The following DCDC1 variants were observed in gnomAD, a reference collection of about 807,000 sequenced individuals.
DCDC1 encodes the protein doublecortin domain-containing protein 1.
A neutral mutation model predicts 178.3 loss-of-function variants in DCDC1; 200 were observed. The ratio of observed to expected loss-of-function variants is 1.12; its 90% CI spans 1.00 to 1.26. DCDC1 has a LOEUF of 1.26. Among genes scored for constraint, DCDC1 ranks in the 50% most tolerant of loss-of-function variants. The pLI is 0.00. For synonymous variants in DCDC1, 690 were observed against 604.8 expected, an observed-to-expected ratio of 1.14 and a Z score of -2.07; for missense variants, 1,983 against 1,749.2, an observed-to-expected ratio of 1.13 and a Z score of -2.38.
intron 11 of DCDC1, among the ~76,000 whole-genome samples, chr11:31,125,661 AAACT>A (rs1441586494): frequency 8.5e-5 from 13 of 152,156 alleles, no homozygotes. Flanking sequence ...TATCCTCAGC[AAACT>A]AACTGAGGAA....
chr11:31,198,263 G>A (rs550484490), intron 9 of DCDC1, among the ~76,000 whole-genome samples: 1 of 152,034 alleles, frequency 6.6e-6, no homozygotes, highest in South Asian at 2.1e-4. Flanking sequence ...CTCTAACATT[G>A]CCTCAATGGT....
chr11:30,971,851 G>A (rs1565139590), intron 20 of DCDC1, among the ~76,000 whole-genome samples: 2 of 151,772 alleles, frequency 1.3e-5, no homozygotes, highest in African/African-American at 2.4e-5. Context: ...CCTTGTGATC[G>A]GCCTGCCTCA....
At chr11:31,235,378 T>C (rs1041460705) in intron 9 of DCDC1, among the ~76,000 whole-genome samples, 2 of 151,754 alleles carry the variant, frequency 1.3e-5, no homozygotes, top group Non-Finnish European at 2.9e-5. Flanking sequence ...AAATGGTCCA[T>C]ATTCTGTAAA....
chr11:30,946,379 T>C (rs1160904444), intron 21 of DCDC1, among the ~76,000 whole-genome samples: 1 of 152,156 alleles, frequency 6.6e-6, no homozygotes, highest in African/African-American at 2.4e-5. Flanking sequence ...CTTGGCCCCA[T>C]GTGGGCCCTC....
At chr11:31,339,368 G>T (rs546018592) in intron 1 of DCDC1, among the ~76,000 whole-genome samples, 1 of 152,298 alleles carries the variant, frequency 6.6e-6, no homozygotes, top group East Asian at 1.9e-4. Context: ...GACACTGCTG[G>T]TGCCTTGATC....
At chr11:31,198,389 A>G (rs890649045) in intron 9 of DCDC1, among the ~76,000 whole-genome samples, 2 of 152,120 alleles carry the variant, frequency 1.3e-5, no homozygotes, top group African/African-American at 4.8e-5. Flanking sequence ...GCTAGCAAGT[A>G]TAGATTTCTA....
chr11:31,172,835 G>C (rs569041548), intron 9 of DCDC1, among the ~76,000 whole-genome samples: 106 of 152,216 alleles, frequency 7.0e-4, no homozygotes, highest in Middle Eastern at 3.4e-3. Context: ...TTTAGGAATG[G>C]AGAGACAGAA....
At chr11:31,278,447 G>A (rs1946154022) in intron 7 of DCDC1, among the ~76,000 whole-genome samples, 1 of 152,050 alleles carries the variant, frequency 6.6e-6, no homozygotes, top group African/African-American at 2.4e-5. Flanking sequence ...TCACTTATAT[G>A]TGAAAACAAA....
At chr11:31,255,520 C>T (rs1944359521) in intron 8 of DCDC1, among the ~76,000 whole-genome samples, 1 of 151,952 alleles carries the variant, frequency 6.6e-6, no homozygotes, top group South Asian at 2.1e-4. Context: ...TATAGCCATC[C>T]CAGTATGTGT....
At chr11:31,184,851 C>T (rs1190985866) in intron 9 of DCDC1, among the ~76,000 whole-genome samples, 2 of 152,082 alleles carry the variant, frequency 1.3e-5, no homozygotes, top group Admixed American at 6.6e-5. Flanking sequence ...TTGTGGAAGA[C>T]AGATCCTCAA....
intron 3 of DCDC1, among the ~76,000 whole-genome samples, chr11:31,313,079 T>C (rs986928524): frequency 6.6e-6 from 1 of 152,100 alleles, no homozygotes; most frequent in African/African-American, 2.4e-5. Context: ...TAAAACCTAC[T>C]GGTTCTGTTT....
intron 31 of DCDC1, 116 bp from the exon 32 acceptor site, chr11:30,903,799 A>G (rs1944877567): frequency 3.2e-6 from 3 of 946,352 alleles, no homozygotes; most frequent in Admixed American, 3.6e-5. Context: ...TTGAGAAAAT[A>G]GAAAGCTGAA....
chr11:31,012,103 T>A (rs946008185), intron 20 of DCDC1, among the ~76,000 whole-genome samples: 6 of 152,172 alleles, frequency 3.9e-5, no homozygotes, highest in Non-Finnish European at 5.9e-5. Flanking sequence ...TGCGTCTTCC[T>A]CTTCACCTTC....
At chr11:30,993,086 A>G (rs181987704) in intron 20 of DCDC1, among the ~76,000 whole-genome samples, 94 of 152,190 alleles carry the variant, frequency 6.2e-4, no homozygotes, top group African/African-American at 2.2e-3. Flanking sequence ...ATGAAAAAAA[A>G]TTATATAAAA....
At chr11:30,956,144 C>G (rs1021977493) in intron 20 of DCDC1, among the ~76,000 whole-genome samples, 2 of 152,164 alleles carry the variant, frequency 1.3e-5, no homozygotes, top group Admixed American at 1.3e-4. Flanking sequence ...AAATTTCCCT[C>G]TGAGCATTCA....
intron 25 of DCDC1, among the ~76,000 whole-genome samples, chr11:30,918,125 GA>G (rs149058248): frequency 0.11 from 15,474 of 143,160 alleles, 955 homozygotes; most frequent in Admixed American, 0.2. Context: ...TGGGGAAAAG[GA>G]AAAAAAAAAA....
intron 9 of DCDC1, among the ~76,000 whole-genome samples, chr11:31,174,281 A>G (rs1967674526): frequency 6.6e-6 from 1 of 152,144 alleles, no homozygotes; most frequent in Non-Finnish European, 1.5e-5. Context: ...CCCAGTTCCA[A>G]TCTCAGAGCA....
At chr11:31,161,842 T>C (rs547207349) in intron 9 of DCDC1, among the ~76,000 whole-genome samples, 7 of 152,226 alleles carry the variant, frequency 4.6e-5, no homozygotes, top group Admixed American at 1.3e-4. Context: ...TTGTTGTTTT[T>C]CTAAATCACT....
rs565685846 is a variant in DCDC1, at chr11:31,336,577, G to T, written c.-124-1013C>A. Among the ~76,000 whole-genome samples the T allele has an allele frequency of 1.3e-4, 20 of 152,288 alleles. No homozygotes were observed. In the South Asian group the frequency reaches 4.1e-3, roughly 32 times the overall value. On this transcript the variant is annotated intron_variant, in intron 1 of 38. Coordinates refer to ENST00000684477, the MANE Select transcript of DCDC1 (RefSeq NM_001387274.1). Reference sequence around the variant, plus strand: ...TTGTTAAGAATTCACCAAATGCATTGAAATAATTGTATTGCAATGTCCTAA... The same window carrying T: ...TTGTTAAGAATTCACCAAATGCATTTAAATAATTGTATTGCAATGTCCTAA...
Sources: allele counts gnomAD v4.1 joint callset (sites outside exome capture counted in the v4.1 genomes callset), GRCh38; gene constraint gnomAD v4.1.1; transcripts MANE v1.5; gene names NCBI Gene and HGNC (gene_info 2026-07-23, HGNC 2026-07-21).